Variants in PPP4R1 observed in about 807,000 individuals in gnomAD.
PPP4R1 encodes the protein protein phosphatase 4 regulatory subunit 1.
In PPP4R1, 42 loss-of-function variants were observed where a neutral mutation model predicts 111.2. The ratio of observed to expected loss-of-function variants is 0.38; its 90% CI spans 0.29 to 0.49. PPP4R1 has a LOEUF of 0.49. Among genes scored for constraint, PPP4R1 ranks in the 20% least tolerant of loss-of-function variants. PPP4R1 has a pLI of 0.97. For synonymous variants in PPP4R1, 409 were observed against 405.5 expected (o/e 1.01, Z -0.10); for missense variants, 1,012 against 1,161.6 (o/e 0.87, Z 1.87).
chr18:9,566,685 ACACACAC>A (rs1475684850), intron 11 of PPP4R1, among the ~76,000 whole-genome samples: 3 of 146,560 alleles, frequency 2.0e-5, no homozygotes, highest in African/African-American at 5.1e-5. Flanking sequence ...ACACACACAC[ACACACAC>A]GTTAAAACCA....
rs369525146 is a variant in PPP4R1 at position 9,553,384 on chromosome 18, T to C, written c.2229A>G (p.Gln743=). ...TATCTGTCACCAAAAACTCCTGAAG[T>C]TGATAAAGATATTCTCTTCTTTTGT... is the stretch of plus-strand genomic sequence containing the variant. ...HIDKRREYLY[Q]LQEFLVTDNS... The change falls in exon 16 of 20, where the codon CAA becomes CAG. Residue 743 remains glutamine, a synonymous_variant. Transcript: ENST00000400556. 49 of 1,599,406 alleles carry C rather than the reference T, an allele frequency of 3.1e-5. No homozygotes were observed. The highest frequency in any genetic ancestry group is 3.7e-5 in the Non-Finnish European group (43 of 1,167,730).
rs188826303 is a variant in PPP4R1, at chr18:9,571,564, G to T, written c.1047-881C>A. On this transcript the variant is annotated intron_variant, in intron 10 of 19. Transcript: ENST00000400556. ...ATATCAGCAAATTGCTGCTAGACAG[G>T]GTGGTAAGCACAGATGCAAGCACAC... 2.0e-3 allele frequency among the ~76,000 whole-genome samples: 306 copies of T among 152,300 alleles called. 1 individual carries two copies. The highest frequency in any genetic ancestry group is 3.1e-3 in the Non-Finnish European group (210 of 68,024).
intron 11 of PPP4R1, among the ~76,000 whole-genome samples, chr18:9,566,152 C>T (rs1464665903): frequency 6.6e-6 from 1 of 151,730 alleles, no homozygotes; most frequent in African/African-American, 2.4e-5. Flanking sequence ...CTCAGATGAT[C>T]CACCCACCTC....
At chr18:9,563,620 A>AT (rs1156467562) in intron 11 of PPP4R1, 70 bp from the exon 12 acceptor site, 10 of 1,360,464 alleles carry the variant, frequency 7.4e-6, no homozygotes, top group Non-Finnish European at 9.0e-6. Flanking sequence ...GCTGTTCTCC[A>AT]TTTGCACTGT....
At position 9,588,852 on chromosome 18, in the gene PPP4R1, T is replaced by C. The variant is rs990968107; in HGVS notation, c.297A>G (p.Glu99=). The C allele has an allele frequency of 2.5e-6, 4 of 1,611,982 alleles. No individual in the cohort carries two copies. Among genetic ancestry groups the C allele is most frequent in the Non-Finnish European group, 8.5e-7 (1 of 1,179,452 alleles). Residue 99 remains glutamate, a splice_region_variant and synonymous_variant, in exon 5 of 20, where the codon GAA becomes GAG. Coordinates refer to ENST00000400556, the MANE Select transcript of PPP4R1 (RefSeq NM_001042388.3). ...ERISRLADDS[E]PTVRAELMEQ... ...CCATCAGCTCCGCTCTCACAGTTGG[T>C]TCTATTGAAATAACGGCAATGTGAG...
chr18:9,572,329 AG>A (rs2066875311), intron 10 of PPP4R1, among the ~76,000 whole-genome samples: 1 of 152,260 alleles, frequency 6.6e-6, no homozygotes, highest in Non-Finnish European at 1.5e-5. Flanking sequence ...CCTGTATAAA[AG>A]AATGATGAGC....
intron 2 of PPP4R1, 98 bp from the exon 3 acceptor site, chr18:9,595,251 A>C: frequency 1.0e-6 from 1 of 962,738 alleles, no homozygotes; most frequent in Non-Finnish European, 1.4e-6. Flanking sequence ...GGAATGGTAC[A>C]AAAAAAAAAT....
At chr18:9,568,785 C>A (rs2066811829) in intron 11 of PPP4R1, among the ~76,000 whole-genome samples, 1 of 152,132 alleles carries the variant, frequency 6.6e-6, no homozygotes, top group African/African-American at 2.4e-5. Flanking sequence ...CCTGTAATCC[C>A]AGCATGGTGG....
intron 13 of PPP4R1, among the ~76,000 whole-genome samples, chr18:9,561,051 C>G (rs1219625981): frequency 6.7e-6 from 1 of 150,320 alleles, no homozygotes; most frequent in Non-Finnish European, 1.5e-5. Flanking sequence ...AACACTGTCT[C>G]TACTAAAAAC....
At chr18:9,582,602 A>C (rs1230710889) in intron 9 of PPP4R1, among the ~76,000 whole-genome samples, 5 of 152,194 alleles carry the variant, frequency 3.3e-5, no homozygotes, top group African/African-American at 1.2e-4. Context: ...AACATTTAAG[A>C]GATAATCAAT....
chr18:9,581,763 C>A (rs2067033491), intron 9 of PPP4R1, among the ~76,000 whole-genome samples: 1 of 152,074 alleles, frequency 6.6e-6, no homozygotes, highest in African/African-American at 2.4e-5. Flanking sequence ...AAGAGGTGCA[C>A]ATACGGACAC....
chr18:9,614,179 G>A lies in PPP4R1; in HGVS notation c.52+47C>T. 1 of 1,314,332 alleles carries A rather than the reference G, an allele frequency of 7.6e-7. No individual in the cohort carries two copies. The highest frequency in any genetic ancestry group is 9.8e-7 in the Non-Finnish European group (1 of 1,018,600). The allele number at this position is 1,314,332 out of a possible 1,614,324, so 81.4% of individuals were successfully genotyped here. A position where few individuals can be genotyped will look rare whatever the true frequency, so the allele number is the denominator to read the frequency against. On this transcript the variant is annotated intron_variant, in intron 2 of 19. Coordinates refer to ENST00000400556, the MANE Select transcript of PPP4R1 (RefSeq NM_001042388.3). The surrounding 1 kb of genome is among the most constrained non-coding windows in gnomAD (Gnocchi z 4.1). Reference sequence around the variant, plus strand: ...GCCTCGCCGCCGCCCGCCCTCCCCGGCCGCTCCCCGCGGACTGCCAGGCCA... The same window carrying A: ...GCCTCGCCGCCGCCCGCCCTCCCCGACCGCTCCCCGCGGACTGCCAGGCCA...
chr18:9,581,904 G>T (rs183615281), intron 9 of PPP4R1, among the ~76,000 whole-genome samples: 28 of 152,218 alleles, frequency 1.8e-4, no homozygotes, highest in African/African-American at 6.3e-4. Flanking sequence ...AACAGAAGAG[G>T]TCTGAGGCAG....
intron 16 of PPP4R1, chr18:9,550,629 T>G (rs144594059): frequency 6.2e-4 from 315 of 505,918 alleles, no homozygotes; most frequent in African/African-American, 5.7e-3. Flanking sequence ...AAACAAAAGC[T>G]GTAGAGTTCT....
chr18:9,554,960 A>G (rs2066547722), intron 15 of PPP4R1, among the ~76,000 whole-genome samples: 1 of 152,206 alleles, frequency 6.6e-6, no homozygotes. Flanking sequence ...AAACCGGGGA[A>G]GGAGAGAAGG....
At chr18:9,589,337 T>C (rs2067173173) in intron 4 of PPP4R1, among the ~76,000 whole-genome samples, 1 of 152,052 alleles carries the variant, frequency 6.6e-6, no homozygotes, top group Non-Finnish European at 1.5e-5. Context: ...TAAATGAAAA[T>C]TAAAGATGAC....
chr18:9,559,194 A>G lies in PPP4R1; in HGVS notation c.2028+225T>C, dbSNP rs993119660. Among the ~76,000 whole-genome samples the G allele has an allele frequency of 5.3e-5, 8 of 152,366 alleles. No homozygotes were observed. The South Asian group carries it at 1.4e-3, about 28-fold the overall frequency. On this transcript the variant is annotated intron_variant, in intron 14 of 19. Coordinates refer to ENST00000400556, the MANE Select transcript of PPP4R1 (RefSeq NM_001042388.3). ...TAGGAATGTAGGCATGTTGAATGTG[A>G]TAACAATTTCTAATGCTTTAGATAA...
At chr18:9,555,990 A>AAAC (rs1555665954) in intron 15 of PPP4R1, among the ~76,000 whole-genome samples, 1 of 73,016 alleles carries the variant, frequency 1.4e-5, no homozygotes, top group Non-Finnish European at 3.0e-5. Context: ...ACAAACAAAC[A>AAAC]AACAAACAAA....
intron 15 of PPP4R1, 22 bp downstream of exon 15, chr18:9,557,199 T>C (rs2066601729): frequency 2.6e-6 from 4 of 1,554,648 alleles, no homozygotes; most frequent in Admixed American, 4.3e-5. Flanking sequence ...TGTGTTTTTA[T>C]GCAAAAAAAT....
Sources: gnomAD v4.1 joint callset for allele counts (sites outside exome capture counted in the v4.1 genomes callset) on GRCh38, gnomAD v4.1.1 for gene constraint, Gnocchi (gnomAD v3.1) non-coding constraint, MANE v1.5 for transcripts, NCBI Gene and HGNC (gene_info 2026-07-23, HGNC 2026-07-21) for gene names.